Variants in HNRNPH3 observed in about 807,000 individuals in gnomAD.
The protein encoded by HNRNPH3 is heterogeneous nuclear ribonucleoprotein H3.
Under a neutral mutation model 47.0 loss-of-function variants are expected in HNRNPH3, and 7 were observed. The ratio of observed to expected loss-of-function variants is 0.15; its 90% confidence interval spans 0.08 to 0.28. The LOEUF is 0.28. HNRNPH3 is among the 10% of genes least tolerant of loss of function. The pLI, the probability that HNRNPH3 is intolerant of heterozygous loss-of-function variation, is 1.00. For synonymous variants in HNRNPH3, 120 were observed against 143.2 expected, an observed-to-expected ratio of 0.84 and a Z score of 1.16; for missense variants, 279 against 449.6, an observed-to-expected ratio of 0.62 and a Z score of 3.43.
At chr10:68,338,422 AACTT>A in intron 3 of HNRNPH3, 77 bp from the exon 4 acceptor site, 2 of 792,064 alleles carry the variant, frequency 2.5e-6, no homozygotes, top group Non-Finnish European at 3.9e-6. Flanking sequence ...GATATAGAAA[AACTT>A]ACTGCATTTT....
chr10:68,340,807 T>C (rs1486895249), intron 6 of HNRNPH3, among the ~76,000 whole-genome samples: 4 of 81,980 alleles, frequency 4.9e-5, no homozygotes, highest in Non-Finnish European at 6.8e-5. Flanking sequence ...TGTGTTTGTG[T>C]GCTTTTTTTT....
upstream of HNRNPH3, chr10:68,331,908 C>A (rs969952614): frequency 6.6e-6 from 1 of 152,352 alleles, no homozygotes; most frequent in African/African-American, 2.4e-5. Flanking sequence ...TACCTCGCCC[C>A]CAACAGCTGC....
Position 68,338,703 on chromosome 10 carries a change from G to C in HNRNPH3, c.436+16G>C, listed in dbSNP as rs1469425736. On this transcript the variant is annotated intron_variant, in intron 4 of 9. Coordinates refer to ENST00000265866, the MANE Select transcript of HNRNPH3 (RefSeq NM_012207.3). ...TATGATGGTGGTATGTGTATCTAAT[G>C]AACAAAGGTTCTGTTGTCATTTTCT... The C allele has an allele frequency of 6.5e-7, 1 of 1,537,298 alleles. No homozygotes were observed. The highest frequency in any genetic ancestry group is 1.2e-5 in the South Asian group (1 of 80,128).
chr10:68,341,624 G>A lies in HNRNPH3; in HGVS notation c.815G>A (p.Gly272Glu), dbSNP rs2045951029. 1 of 1,613,520 alleles carries A rather than the reference G, an allele frequency of 6.2e-7. No individual in the cohort carries two copies. The highest frequency in any genetic ancestry group is 1.3e-5 in the African/African-American group (1 of 74,878). Residue 272 changes from glycine to glutamate, a missense_variant, in exon 8 of 10, where the codon GGA becomes GAA. Physicochemically the swap from Gly to Glu is moderately conservative, Grantham distance 98. Around this residue, in one of 2 missense-constraint regions of HNRNPH3, gnomAD observed 239 missense variants for 335.8 expected, o/e 0.71. Coordinates refer to ENST00000265866, the MANE Select transcript of HNRNPH3 (RefSeq NM_012207.3). ...YIELFLNSTP[G>E]GGSGMGGSGM... The stretch of plus-strand genomic sequence containing the variant: ...GAACTCTTCTTGAATTCTACTCCTG[G>A]AGGCGGCTCTGGCATGGGAGGTTCT...
chr10:68,340,077 C>T (rs578028703), intron 6 of HNRNPH3, among the ~76,000 whole-genome samples: 1 of 152,160 alleles, frequency 6.6e-6, no homozygotes, highest in Admixed American at 6.5e-5. Context: ...CTCTGTCGCC[C>T]AGGCTAGAGT....
In HNRNPH3 at chr10:68,339,193, G is replaced by A; in HGVS notation, c.490G>A (p.Asp164Asn). The change falls in exon 5 of 10, where the codon GAT becomes AAT. Residue 164 changes from aspartate (D) to asparagine (N), a missense_variant. Coordinates refer to ENST00000265866, the MANE Select transcript of HNRNPH3 (RefSeq NM_012207.3). ...GGYNNYGYGN[D>N]GFDDRMRDGR... is the part of the protein sequence containing the mutation. ...CTATAATAATTACGGCTATGGGAAT[G>A]ATGGCTTTGATGACAGAATGAGAGA... 6.2e-7 allele frequency: 1 copy of A among 1,605,262 alleles called. No homozygotes were observed. The highest frequency in any genetic ancestry group is 8.5e-7 in the Non-Finnish European group (1 of 1,172,022).
At position 68,332,117 on chromosome 10, in the gene HNRNPH3, G is replaced by A. The variant is rs1382777578; in HGVS notation, c.-123G>A. 6.6e-6 allele frequency: 1 copy of A among 152,338 alleles called. No individual in the cohort carries two copies. Among genetic ancestry groups the A allele is most frequent in the Non-Finnish European group, 1.5e-5 (1 of 68,112 alleles). The allele number at this position is 152,338 out of a possible 1,614,324, so 9.4% of individuals were successfully genotyped here. On this transcript the variant is annotated 5_prime_UTR_variant, in exon 1 of 10. Coordinates refer to ENST00000265866, the MANE Select transcript of HNRNPH3 (RefSeq NM_012207.3). ...GGTTGTCACCGCTGGAGACGGTTGG[G>A]AGAACCGTTGTGGCGAGCGCTACAC...
intron 1 of HNRNPH3, 93 bp downstream of exon 1, chr10:68,332,309 T>G (rs1589688912): frequency 1.3e-5 from 2 of 150,272 alleles, no homozygotes; most frequent in Middle Eastern, 3.5e-3. Context: ...GGTTGGGGGG[T>G]AGTGGGGTGG....
Position 68,337,287 on chromosome 10 carries a change from A to G in HNRNPH3, c.66A>G (p.Gly22=), listed in dbSNP as rs2045593193. 6.2e-7 allele frequency: 1 copy of G among 1,613,470 alleles called. No individual in the cohort carries two copies. The highest frequency in any genetic ancestry group is 1.3e-5 in the African/African-American group (1 of 74,936). The part of the protein sequence containing the change: ...DASDGTVRLR[G]LPFGCSKEEI... Reference sequence around the variant, plus strand: ...GTGATGGGACAGTACGACTTCGTGGACTACCATTTGGTTGCAGCAAAGAGG... The same window carrying G: ...GTGATGGGACAGTACGACTTCGTGGGCTACCATTTGGTTGCAGCAAAGAGG... The change falls in exon 2 of 10, where the codon GGA becomes GGG. Residue 22 remains glycine, a synonymous_variant. Transcript: ENST00000265866. The surrounding 1 kb of genome is among the most constrained non-coding windows in gnomAD (Gnocchi z 4.5).
chr10:68,333,669 G>A (rs2045354300), intron 1 of HNRNPH3, among the ~76,000 whole-genome samples: 1 of 152,178 alleles, frequency 6.6e-6, no homozygotes, highest in Non-Finnish European at 1.5e-5. Flanking sequence ...TGAGGGTCCT[G>A]AGAACTGGAT....
At position 68,341,617 on chromosome 10, in the gene HNRNPH3, A is replaced by G. The variant is rs931520704; in HGVS notation, c.808A>G (p.Thr270Ala). ...ATATATTGAACTCTTCTTGAATTCT[A>G]CTCCTGGAGGCGGCTCTGGCATGGG... ...HRYIELFLNS[T>A]PGGGSGMGGS... The change falls in exon 8 of 10, where the codon ACT (threonine) becomes GCT (alanine). Residue 270 changes from threonine (T) to alanine (A), a missense_variant. Thr to Ala is a moderately conservative substitution (Grantham distance 58). Transcript: ENST00000265866. 8.1e-6 allele frequency: 13 copies of G among 1,612,482 alleles called. No homozygotes were observed. Among genetic ancestry groups the G allele is most frequent in the East Asian group, 4.5e-5 (2 of 44,860 alleles).
intron 1 of HNRNPH3, chr10:68,333,132 T>G (rs1002167249): frequency 1.3e-5 from 2 of 152,030 alleles, no homozygotes; most frequent in African/African-American, 4.8e-5. Flanking sequence ...AGGGTTTTTT[T>G]TTTTTCATGT....
At chr10:68,339,651 C>A in intron 6 of HNRNPH3, 96 bp downstream of exon 6, 1 of 724,168 alleles carries the variant, frequency 1.4e-6, no homozygotes, top group South Asian at 1.8e-5. Context: ...AGCTTAATAC[C>A]AAAATCCCTT....
At chr10:68,333,992 C>A (rs563561618) in intron 1 of HNRNPH3, among the ~76,000 whole-genome samples, 1 of 152,236 alleles carries the variant, frequency 6.6e-6, no homozygotes, top group African/African-American at 2.4e-5. Flanking sequence ...TTTTTTCTGT[C>A]CTCTTTTCAT....
chr10:68,336,925 G>A (rs190420141), intron 1 of HNRNPH3: 20 of 273,908 alleles, frequency 7.3e-5, no homozygotes, highest in African/African-American at 4.1e-4. Flanking sequence ...GAAGACTCTG[G>A]TAGTAGAATT....
chr10:68,334,485 T>G (rs929687898), intron 1 of HNRNPH3, among the ~76,000 whole-genome samples: 3 of 152,220 alleles, frequency 2.0e-5, no homozygotes, highest in African/African-American at 2.4e-5. Flanking sequence ...TTTTAGTACA[T>G]TCACAGCGTT....
intron 4 of HNRNPH3, 161 bp downstream of exon 4, chr10:68,338,848 T>TG: frequency 1.8e-6 from 1 of 569,494 alleles, no homozygotes; most frequent in Non-Finnish European, 2.9e-6. Flanking sequence ...ACTTGACTGA[T>TG]GCACATATTG....
intron 6 of HNRNPH3, among the ~76,000 whole-genome samples, chr10:68,340,948 T>C (rs1213717315): frequency 3.3e-5 from 5 of 152,142 alleles, no homozygotes; most frequent in Admixed American, 3.3e-4. Flanking sequence ...ATTACAGGCG[T>C]GAGCCACTGC....
rs914984307 is a variant in HNRNPH3, at chr10:68,342,819, A to G, written c.*765A>G. On this transcript the variant is annotated 3_prime_UTR_variant, in exon 10 of 10. Coordinates refer to ENST00000265866, the MANE Select transcript of HNRNPH3 (RefSeq NM_012207.3). Reference sequence around the variant, plus strand: ...AAGGTTCTCAGTGACACAAGAATTCAGTATTAAGTACATAGGTATTTACTA... The same window carrying G: ...AAGGTTCTCAGTGACACAAGAATTCGGTATTAAGTACATAGGTATTTACTA... 6.6e-6 allele frequency: 1 copy of G among 152,612 alleles called. No individual in the cohort carries two copies. The highest frequency in any genetic ancestry group is 6.5e-5 in the Admixed American group (1 of 15,280). 9.5% of individuals were successfully genotyped at this position (152,612 alleles called of 1,614,324 possible).
Sources: gnomAD v4.1 joint callset for allele counts (sites outside exome capture counted in the v4.1 genomes callset) on GRCh38, gnomAD v4.1.1 for gene constraint, gnomAD v4.1.1 regional missense constraint, Gnocchi (gnomAD v3.1) non-coding constraint, MANE v1.5 for transcripts, NCBI Gene and HGNC (gene_info 2026-07-23, HGNC 2026-07-21) for gene names.